The following SMG6 variants were observed in gnomAD, a reference collection of about 807,000 sequenced individuals.
SMG6 encodes telomerase-binding protein EST1A.
SMG6 carries 66 observed loss-of-function variants against 142.2 expected under a neutral mutation model. The ratio of observed to expected loss-of-function variants is 0.46; its 90% CI spans 0.38 to 0.57. The LOEUF is 0.57. SMG6 is among the 20% of genes least tolerant of loss of function. The probability of loss-of-function intolerance (pLI) is 0.00; values close to 1 mark genes in which losing one functional copy is unlikely to be tolerated. For missense variants in SMG6, 1,793 were observed against 1,832.0 expected (o/e 0.98, Z 0.39); for synonymous variants, 779 against 702.4 (o/e 1.11, Z -1.72).
intron 10 of SMG6, among the ~76,000 whole-genome samples, chr17:2,221,736 C>T (rs1292467658): frequency 1.3e-5 from 2 of 152,196 alleles, no homozygotes; most frequent in African/African-American, 4.8e-5. Flanking sequence ...TCCAGGCTGA[C>T]CTGCTGACAG....
At chr17:2,105,485 G>C (rs2069132229) in intron 13 of SMG6, among the ~76,000 whole-genome samples, 1 of 152,140 alleles carries the variant, frequency 6.6e-6, no homozygotes, top group Non-Finnish European at 1.5e-5. Flanking sequence ...GGAGAGTGCA[G>C]TGAGCCAAGA....
intron 12 of SMG6, among the ~76,000 whole-genome samples, chr17:2,185,741 A>G (rs57130712): frequency 0.37 from 55,880 of 150,692 alleles, 10,915 homozygotes; most frequent in African/African-American, 0.5. Context: ...AACGAGGGCG[A>G]GGTGTAGTGA....
chr17:2,122,338 CA>C (rs2069727705), intron 13 of SMG6: 1 of 152,012 alleles, frequency 6.6e-6, no homozygotes, highest in South Asian at 2.1e-4. Context: ...AATAAAAAGA[CA>C]ATATCTGGAA....
Position 2,283,610 on chromosome 17 carries a change from C to A in SMG6, c.2448+15G>T, listed in dbSNP as rs911925928. On this transcript the variant is annotated intron_variant, in intron 7 of 18. Coordinates refer to ENST00000263073, the MANE Select transcript of SMG6 (RefSeq NM_017575.5). ...CTATTCGAGGAAGGAAGGGTTCTGC[C>A]ACATCCCCACTCACCTTCCGCTTGG... 3 of 1,597,494 alleles carry A rather than the reference C, an allele frequency of 1.9e-6. No homozygotes were observed. The highest frequency in any genetic ancestry group is 2.6e-6 in the Non-Finnish European group (3 of 1,165,146).
intron 13 of SMG6, among the ~76,000 whole-genome samples, chr17:2,124,022 C>T (rs1034338586): frequency 5.3e-5 from 8 of 152,188 alleles, no homozygotes; most frequent in Non-Finnish European, 1.0e-4. Flanking sequence ...ACCAGCACTC[C>T]TGTGTACAGC....
At chr17:2,222,914 T>C (rs1567696037) in intron 10 of SMG6, among the ~76,000 whole-genome samples, 1 of 152,206 alleles carries the variant, frequency 6.6e-6, no homozygotes, top group Non-Finnish European at 1.5e-5. Flanking sequence ...CGAAACATTT[T>C]CCTCTGCTCA....
At chr17:2,091,470 G>T (rs1451042330) in intron 13 of SMG6, among the ~76,000 whole-genome samples, 1 of 152,170 alleles carries the variant, frequency 6.6e-6, no homozygotes, top group Non-Finnish European at 1.5e-5. Context: ...GGGAAAGAAA[G>T]AACCTGTGCA....
chr17:2,170,107 G>A (rs1176372440), intron 13 of SMG6, among the ~76,000 whole-genome samples: 1 of 152,194 alleles, frequency 6.6e-6, no homozygotes, highest in East Asian at 1.9e-4. Flanking sequence ...TTGGCGGGCA[G>A]CGGGTGGGGC....
chr17:2,266,277 C>T (rs2074421995), intron 8 of SMG6: 5 of 627,840 alleles, frequency 8.0e-6, no homozygotes, highest in Non-Finnish European at 9.9e-6. Flanking sequence ...CACACGCACG[C>T]GAACAGGATA....
At chr17:2,126,715 C>CAAAAAAAA (rs532997926) in intron 13 of SMG6, among the ~76,000 whole-genome samples, 1 of 66,110 alleles carries the variant, frequency 1.5e-5, no homozygotes, top group Non-Finnish European at 3.2e-5. Flanking sequence ...GGCTCAGTTT[C>CAAAAAAAA]AAAAAAAAAA....
chr17:2,224,532 G>A (rs553260520), intron 10 of SMG6, among the ~76,000 whole-genome samples: 1 of 152,224 alleles, frequency 6.6e-6, no homozygotes, highest in South Asian at 2.1e-4. Flanking sequence ...CTGAAAGATA[G>A]TTAAGGAAAT....
chr17:2,266,635 T>A (rs934221539), intron 8 of SMG6, among the ~76,000 whole-genome samples: 4 of 152,092 alleles, frequency 2.6e-5, no homozygotes, highest in African/African-American at 9.7e-5. Context: ...CTCTGTTTCT[T>A]CCCCCAGAGA....
chr17:2,140,737 A>G (rs368149195), intron 13 of SMG6, among the ~76,000 whole-genome samples: 16 of 152,146 alleles, frequency 1.1e-4, no homozygotes, highest in Admixed American at 2.0e-4. Flanking sequence ...AGTCAATGCA[A>G]TATTTAGAAA....
At chr17:2,222,912 T>A (rs2151772261) in intron 10 of SMG6, among the ~76,000 whole-genome samples, 1 of 152,250 alleles carries the variant, frequency 6.6e-6, no homozygotes, top group East Asian at 1.9e-4. Context: ...TACGAAACAT[T>A]TTCCTCTGCT....
At chr17:2,189,657 C>T (rs1417031295) in intron 10 of SMG6, among the ~76,000 whole-genome samples, 1 of 152,158 alleles carries the variant, frequency 6.6e-6, no homozygotes, top group Non-Finnish European at 1.5e-5. Flanking sequence ...GCTCACCAGT[C>T]TTGTCAATGG....
intron 10 of SMG6, chr17:2,235,896 A>C (rs2073638117): frequency 6.6e-6 from 1 of 151,994 alleles, no homozygotes; most frequent in East Asian, 1.9e-4. Flanking sequence ...CCTATGAAAA[A>C]ACCCCAAAAT....
At chr17:2,209,466 G>A (rs748515244) in intron 10 of SMG6, among the ~76,000 whole-genome samples, 13 of 152,138 alleles carry the variant, frequency 8.5e-5, no homozygotes, top group Non-Finnish European at 1.0e-4. Context: ...AGGTTCAAGC[G>A]ATTCTCCTGC....
At position 2,061,703 on chromosome 17, in the gene SMG6, G is replaced by A. The variant is rs2067785401; in HGVS notation, c.4130-81C>T. On this transcript the variant is annotated intron_variant, in intron 18 of 18. Coordinates refer to ENST00000263073, the MANE Select transcript of SMG6 (RefSeq NM_017575.5). ...CTGCTCTTCTCACCCTGGAGAATGTGGTCCTGGGGAGGGGGTGCCACGCTA... is the reference window on the plus strand; with the variant it reads ...CTGCTCTTCTCACCCTGGAGAATGTAGTCCTGGGGAGGGGGTGCCACGCTA... 3.4e-6 allele frequency: 5 copies of A among 1,471,952 alleles called. No homozygotes were observed. The South Asian group carries it at 3.7e-5, about 11-fold the overall frequency. 91.2% of individuals were successfully genotyped at this position (1,471,952 alleles called of 1,614,324 possible).
At chr17:2,243,639 C>A (rs143702800) in intron 9 of SMG6, among the ~76,000 whole-genome samples, 1 of 152,132 alleles carries the variant, frequency 6.6e-6, no homozygotes, top group Non-Finnish European at 1.5e-5. Flanking sequence ...CGAGTCATGC[C>A]GCTGCACTCC....
Sources: allele counts gnomAD v4.1 joint callset (sites outside exome capture counted in the v4.1 genomes callset), GRCh38; gene constraint gnomAD v4.1.1; transcripts MANE v1.5; gene names NCBI Gene and HGNC (gene_info 2026-07-23, HGNC 2026-07-21).